MARK2: variants seen among roughly 807,000 people sequenced by gnomAD.
MARK2 encodes the protein microtubule affinity regulating kinase 2, also known as serine/threonine-protein kinase MARK2.
MARK2 carries 16 observed loss-of-function variants against 89.8 expected under a neutral mutation model. The ratio of observed to expected loss-of-function variants is 0.18; its 90% confidence interval spans 0.12 to 0.27. The LOEUF (loss-of-function observed/expected upper bound fraction) is 0.27. MARK2 is among the 10% of genes least tolerant of loss of function. The pLI is 1.00. For missense variants in MARK2, 621 were observed against 1,049.9 expected (o/e 0.59, Z 5.65); for synonymous variants, 382 against 399.5 (o/e 0.96, Z 0.52).
intron 1 of MARK2, among the ~76,000 whole-genome samples, chr11:63,859,513 G>T (rs1308312068): frequency 1.3e-5 from 2 of 151,848 alleles, no homozygotes; most frequent in Non-Finnish European, 2.9e-5. Flanking sequence ...TAGAGAAAGG[G>T]TTTCACCATG....
rs751154646 is a variant in MARK2 at position 63,895,163 on chromosome 11, C to T, written c.59C>T (p.Thr20Ile). ...ATCTCTGTTTCCACCCCGCAGCCCACCTTGGGACACCTTGACTCCAAGCCC... is the reference window on the plus strand; with the variant it reads ...ATCTCTGTTTCCACCCCGCAGCCCATCTTGGGACACCTTGACTCCAAGCCC... ...TLNERDTEQP[T>I]LGHLDSKPSS... The change falls in exon 2 of 19, where the codon ACC becomes ATC. Residue 20 changes from threonine (T) to isoleucine (I), a missense_variant. Transcript: ENST00000402010. 3 of 1,612,642 alleles carry T rather than the reference C, an allele frequency of 1.9e-6. No homozygotes were observed. The highest frequency in any genetic ancestry group is 2.5e-6 in the Non-Finnish European group (3 of 1,179,054).
Position 63,909,259 on chromosome 11 carries a change from G to A in MARK2, c.*22G>A, listed in dbSNP as rs749327913. On this transcript the variant is annotated 3_prime_UTR_variant, in exon 19 of 19. Coordinates refer to ENST00000402010, the MANE Select transcript of MARK2 (RefSeq NM_001039469.3). The stretch of plus-strand genomic sequence containing the variant: ...TTAACAGGCTGCCAGGAGCGGGGGC[G>A]GCGGGGGCGGGCCAGCTGGACGGGC... The A allele has an allele frequency of 7.7e-6, 12 of 1,558,912 alleles. No individual in the cohort carries two copies. Among genetic ancestry groups the A allele is most frequent in the Admixed American group, 1.8e-5 (1 of 56,300 alleles).
rs550607630 is a variant in MARK2, at chr11:63,877,532, C to T, written c.55-17627C>T. ...TGGGCAACATGGTGAAACCCCATCT[C>T]TACAAAAAATACAAAAATTAGTTGG... On this transcript the variant is annotated intron_variant, in intron 1 of 18. Coordinates refer to ENST00000402010, the MANE Select transcript of MARK2 (RefSeq NM_001039469.3). 3.1e-4 allele frequency among the ~76,000 whole-genome samples: 47 copies of T among 152,038 alleles called. 1 individual carries two copies. Among genetic ancestry groups the T allele is most frequent in the African/African-American group, 1.1e-3 (47 of 41,516 alleles).
intron 1 of MARK2, among the ~76,000 whole-genome samples, chr11:63,888,255 T>C (rs954825077): frequency 3.3e-5 from 5 of 152,058 alleles, no homozygotes; most frequent in African/African-American, 1.2e-4. Flanking sequence ...GAGGGGGTGG[T>C]TTGCTGGTCT....
Position 63,904,612 on chromosome 11 carries a change from G to A in MARK2, c.1677-174G>A, listed in dbSNP as rs947164910. On this transcript the variant is annotated intron_variant, in intron 15 of 18. Coordinates refer to ENST00000402010, the MANE Select transcript of MARK2 (RefSeq NM_001039469.3). The surrounding 1 kb of genome is among the most constrained non-coding windows in gnomAD (Gnocchi z 6.3). Reference sequence around the variant, plus strand: ...AAACCATCTCCTTCCACTTCCACGAGACTTCCTTCTCACCACTGTCCTCAG... The same window carrying A: ...AAACCATCTCCTTCCACTTCCACGAAACTTCCTTCTCACCACTGTCCTCAG... 6.6e-6 allele frequency among the ~76,000 whole-genome samples: 1 copy of A among 151,938 alleles called. No homozygotes were observed. The highest frequency in any genetic ancestry group is 1.5e-5 in the Non-Finnish European group (1 of 67,964).
At chr11:63,883,813 C>T (rs1356244369) in intron 1 of MARK2, among the ~76,000 whole-genome samples, 1 of 152,116 alleles carries the variant, frequency 6.6e-6, no homozygotes, top group Non-Finnish European at 1.5e-5. Flanking sequence ...CCTCGAGTTC[C>T]TAGGCTCAAG....
Position 63,901,036 on chromosome 11 carries a change from C to T in MARK2, c.1068C>T (p.Ala356=), listed in dbSNP as rs1365154674. The change falls in exon 11 of 19, where the codon GCC becomes GCT. Residue 356 remains alanine (A), a synonymous_variant. Transcript: ENST00000402010. ...GCCAGAGATACAACGAGGTGATGGC[C>T]ACCTATCTGCTCCTGGGCTACAAGA... The part of the protein sequence containing the change: ...LVGQRYNEVM[A]TYLLLGYKSS... 1 of 1,613,982 alleles carries T rather than the reference C, an allele frequency of 6.2e-7. No individual in the cohort carries two copies. Among genetic ancestry groups the T allele is most frequent in the Admixed American group, 1.7e-5 (1 of 60,010 alleles).
rs1316575893 is a variant in MARK2, at chr11:63,903,229, C to A, written c.1514+71C>A. 1 of 1,179,286 alleles carries A rather than the reference C, an allele frequency of 8.5e-7. No individual in the cohort carries two copies. Among genetic ancestry groups the A allele is most frequent in the Non-Finnish European group, 1.3e-6 (1 of 793,932 alleles). The allele number at this position is 1,179,286 out of a possible 1,614,324, so 73.1% of individuals were successfully genotyped here. A position where few individuals can be genotyped will look rare whatever the true frequency, so the allele number is the denominator to read the frequency against. On this transcript the variant is annotated intron_variant, in intron 14 of 18. Transcript: ENST00000402010. The surrounding 1 kb of genome is among the most constrained non-coding windows in gnomAD (Gnocchi z 5.1). Reference sequence around the variant, plus strand: ...CTCACAGGGTGATGTCTGTCAGCAGCACCGTCTCCTGTCCCTGCCAGCGCA... The same window carrying A: ...CTCACAGGGTGATGTCTGTCAGCAGAACCGTCTCCTGTCCCTGCCAGCGCA...
intron 1 of MARK2, among the ~76,000 whole-genome samples, chr11:63,886,636 C>T (rs553879231): frequency 5.9e-5 from 9 of 152,302 alleles, no homozygotes; most frequent in African/African-American, 2.2e-4. Flanking sequence ...GTTGCTTAGG[C>T]TGGTCTCGAA....
chr11:63,896,042 C>T (rs1018171004), intron 3 of MARK2, among the ~76,000 whole-genome samples: 5 of 152,100 alleles, frequency 3.3e-5, no homozygotes, highest in African/African-American at 1.2e-4. Flanking sequence ...CTCTTGAATT[C>T]CTAGTTTAAA....
In MARK2 at chr11:63,908,870, T is replaced by C; in HGVS notation, c.2007-7T>C. On this transcript the variant is annotated splice_region_variant and splice_polypyrimidine_tract_variant and intron_variant, in intron 18 of 18. Coordinates refer to ENST00000402010, the MANE Select transcript of MARK2 (RefSeq NM_001039469.3). The stretch of plus-strand genomic sequence containing the variant: ...CCCCGTGACGCCCGCCTCTGCCCTC[T>C]CCACAGACCTCACGTGGTGGGCAGT... 6.8e-7 allele frequency: 1 copy of C among 1,478,654 alleles called. No homozygotes were observed. The highest frequency in any genetic ancestry group is 1.4e-5 in the South Asian group (1 of 69,346). 91.6% of individuals were successfully genotyped at this position (1,478,654 alleles called of 1,614,324 possible).
intron 1 of MARK2, among the ~76,000 whole-genome samples, chr11:63,867,759 C>T (rs1938214439): frequency 6.6e-6 from 1 of 152,176 alleles, no homozygotes. Flanking sequence ...CCATGGCTGA[C>T]GCCGTGGGCA....
intron 1 of MARK2, among the ~76,000 whole-genome samples, chr11:63,843,612 T>A (rs373270151): frequency 1.8e-4 from 28 of 151,546 alleles, no homozygotes; most frequent in Middle Eastern, 3.4e-3. Context: ...TGGATAAAAA[T>A]ATATATATAT....
At position 63,902,578 on chromosome 11, in the gene MARK2, T is replaced by C; in HGVS notation, c.1235-23T>C. ...TCAGTGGACCCCTTGGCCTTACCCA[T>C]TCCCATCCTCCCTCTGGCCCAGCAG... is the stretch of plus-strand genomic sequence containing the variant. On this transcript the variant is annotated intron_variant, in intron 12 of 18. Coordinates refer to ENST00000402010, the MANE Select transcript of MARK2 (RefSeq NM_001039469.3). This position sits in a 1 kb window ranked among gnomAD's most constrained non-coding sequence, Gnocchi z 4.2. 1 of 1,609,002 alleles carries C rather than the reference T, an allele frequency of 6.2e-7. No homozygotes were observed. Among genetic ancestry groups the C allele is most frequent in the Non-Finnish European group, 8.5e-7 (1 of 1,176,812 alleles).
At chr11:63,894,343 G>A (rs1940173743) in intron 1 of MARK2, among the ~76,000 whole-genome samples, 1 of 152,232 alleles carries the variant, frequency 6.6e-6, no homozygotes, top group South Asian at 2.1e-4. Context: ...CGGGAGACTC[G>A]GGTTCGACTT....
intron 3 of MARK2, among the ~76,000 whole-genome samples, chr11:63,897,605 A>G (rs948663382): frequency 1.3e-5 from 2 of 152,236 alleles, no homozygotes; most frequent in Non-Finnish European, 2.9e-5. Context: ...CATTTCTGTC[A>G]TCTTTCTTTA....
At chr11:63,861,496 G>A (rs550333052) in intron 1 of MARK2, among the ~76,000 whole-genome samples, 7 of 152,160 alleles carry the variant, frequency 4.6e-5, no homozygotes, top group Non-Finnish European at 1.0e-4. Flanking sequence ...TAAGGCAACG[G>A]CTTAGTAATG....
chr11:63,844,551 C>T (rs2016184951), intron 1 of MARK2, among the ~76,000 whole-genome samples: 1 of 152,196 alleles, frequency 6.6e-6, no homozygotes, highest in Non-Finnish European at 1.5e-5. Context: ...GGATATAAGA[C>T]AGTTGTTGAA....
chr11:63,873,560 C>T (rs1938574206), intron 1 of MARK2, among the ~76,000 whole-genome samples: 1 of 152,176 alleles, frequency 6.6e-6, no homozygotes, highest in Admixed American at 6.5e-5. Context: ...CAAAAGGAAA[C>T]ATCCTCTCGC....
Sources: gnomAD v4.1 joint callset for allele counts (sites outside exome capture counted in the v4.1 genomes callset) on GRCh38, gnomAD v4.1.1 for gene constraint, Gnocchi (gnomAD v3.1) non-coding constraint, MANE v1.5 for transcripts, NCBI Gene and HGNC (gene_info 2026-07-23, HGNC 2026-07-21) for gene names.